Variants in TBC1D19 observed in about 807,000 individuals in gnomAD.
TBC1D19 encodes the protein TBC1 domain family, member 19.
Under a neutral mutation model 89.0 loss-of-function variants are expected in TBC1D19, and 60 were observed. The ratio of observed to expected loss-of-function variants is 0.67; its 90% CI spans 0.55 to 0.84. The LOEUF (loss-of-function observed/expected upper bound fraction) is 0.84, where lower values mean the gene tolerates loss of function less well. Among genes scored for constraint, TBC1D19 ranks in the 40% least tolerant of loss-of-function variants. The pLI, the probability that TBC1D19 is intolerant of heterozygous loss-of-function variation, is 0.00. For synonymous variants in TBC1D19, 189 were observed against 199.7 expected (o/e 0.95, Z 0.45); for missense variants, 500 against 610.8 (o/e 0.82, Z 1.91).
chr4:26,746,366 G>A (rs1348845538), intron 18 of TBC1D19, among the ~76,000 whole-genome samples: 1 of 151,406 alleles, frequency 6.6e-6, no homozygotes, highest in Non-Finnish European at 1.5e-5. Context: ...ACCACACACA[G>A]CCCTTCACTT....
intron 19 of TBC1D19, among the ~76,000 whole-genome samples, chr4:26,748,866 A>G (rs959848591): frequency 1.3e-4 from 19 of 151,234 alleles, no homozygotes; most frequent in Non-Finnish European, 2.1e-4. Context: ...CTTCCCTTCT[A>G]CTCTGGACTC....
the TBC1D19 span, among the ~76,000 whole-genome samples, chr4:26,791,278 G>T: frequency 6.6e-6 from 1 of 152,126 alleles, no homozygotes; most frequent in Admixed American, 6.6e-5. Context: ...TCATTGATTC[G>T]ATTCATTCAA....
At chr4:26,716,617 TA>T (rs1280877415) in intron 13 of TBC1D19, among the ~76,000 whole-genome samples, 1 of 152,104 alleles carries the variant, frequency 6.6e-6, no homozygotes, top group African/African-American at 2.4e-5. Context: ...TTCTGCAACA[TA>T]AAAATGTGTA....
chr4:26,675,333 G>T (rs76376709), intron 11 of TBC1D19, among the ~76,000 whole-genome samples: 134 of 151,822 alleles, frequency 8.8e-4, no homozygotes, highest in African/African-American at 2.8e-3. Flanking sequence ...ATAATCCCAG[G>T]TAATCATTTT....
chr4:26,725,002 AG>A (rs1717218423), intron 15 of TBC1D19, among the ~76,000 whole-genome samples: 2 of 152,224 alleles, frequency 1.3e-5, no homozygotes, highest in African/African-American at 4.8e-5. Flanking sequence ...AAAAGCCCAG[AG>A]ATGAGGCAAA....
intron 4 of TBC1D19, among the ~76,000 whole-genome samples, chr4:26,636,025 G>C (rs1743098361): frequency 6.6e-6 from 1 of 152,084 alleles, no homozygotes; most frequent in Non-Finnish European, 1.5e-5. Flanking sequence ...TTATGCCACT[G>C]TTTGAGTCAG....
the TBC1D19 span, among the ~76,000 whole-genome samples, chr4:26,838,449 T>C: frequency 6.6e-6 from 1 of 152,092 alleles, no homozygotes; most frequent in African/African-American, 2.4e-5. Flanking sequence ...TATGACTTCA[T>C]GAAAAACGGG....
At chr4:26,659,787 G>A (rs1161442815) in intron 8 of TBC1D19, 80 bp downstream of exon 8, 29 of 794,504 alleles carry the variant, frequency 3.7e-5, no homozygotes, top group Non-Finnish European at 5.6e-5. Context: ...TGTATGTAAA[G>A]CAATAGGGTA....
chr4:26,847,918 G>A, the TBC1D19 span, among the ~76,000 whole-genome samples: 1 of 152,192 alleles, frequency 6.6e-6, no homozygotes, highest in Admixed American at 6.5e-5. Flanking sequence ...GGAGAAGTAG[G>A]TTTTGGGGAA....
At chr4:26,600,258 G>A (rs780453092) in intron 1 of TBC1D19, among the ~76,000 whole-genome samples, 1 of 152,156 alleles carries the variant, frequency 6.6e-6, no homozygotes, top group Non-Finnish European at 1.5e-5. Flanking sequence ...ATTACATTTG[G>A]TGTGAACCAT....
chr4:26,786,540 A>G, the TBC1D19 span, among the ~76,000 whole-genome samples: 18 of 152,182 alleles, frequency 1.2e-4, no homozygotes, highest in Non-Finnish European at 2.9e-5. Context: ...AGGCTGAGGC[A>G]GTGCCTAAAC....
At position 26,640,177 on chromosome 4, in the gene TBC1D19, A is replaced by T. The variant is rs768406719; in HGVS notation, c.470A>T (p.Asp157Val). 1 of 1,608,462 alleles carries T rather than the reference A, an allele frequency of 6.2e-7. No homozygotes were observed. The highest frequency in any genetic ancestry group is 8.5e-7 in the Non-Finnish European group (1 of 1,175,880). The change falls in exon 7 of 21, where the codon GAT becomes GTT. Residue 157 changes from aspartate (D) to valine (V), a missense_variant. Physicochemically the swap from Asp to Val is radical, Grantham distance 152. This residue lies in a region of TBC1D19 where 280 missense variants were observed against 291.7 expected (regional missense o/e 0.96). Transcript: ENST00000264866. ...TTCAGACCTGTTTATGCACCTAAGG[A>T]TTTTCTTGAGGTAGGTTCTATTGGA... is the stretch of plus-strand genomic sequence containing the variant. ...SLFRPVYAPK[D>V]FLEVLINLRN...
At chr4:26,842,606 T>TTCTA in the TBC1D19 span, among the ~76,000 whole-genome samples, 1 of 140,820 alleles carries the variant, frequency 7.1e-6, no homozygotes, top group East Asian at 2.1e-4. Context: ...CTTTCTTTCT[T>TTCTA]TCTTTCTTTC....
chr4:26,656,958 T>TTTCTTCTTCTTC lies in TBC1D19; in HGVS notation c.481-2616_481-2605dup, dbSNP rs56762622. Among the ~76,000 whole-genome samples the TTTCTTCTTCTTC allele has an allele frequency of 4.2e-3, 202 of 47,856 alleles. 17 individuals are homozygous for TTTCTTCTTCTTC. The highest frequency in any genetic ancestry group is 0.016 in the East Asian group (23 of 1,424). The allele number at this position is 47,856 out of a possible 152,430, so 31.4% of individuals were successfully genotyped here. Reference sequence around the variant, plus strand: ...GGTTTAGAGGAGATGCCCTGCAATCTTTCTTCTTCTTCTTCTTCTTCTTCT... The same window carrying TTTCTTCTTCTTC: ...GGTTTAGAGGAGATGCCCTGCAATCTTTCTTCTTCTTCTTCTTCTTCTTCTTCTTCTTCTTCT... On this transcript the variant is annotated intron_variant, in intron 7 of 20. Transcript: ENST00000264866.
chr4:26,649,383 A>ATT, intron 7 of TBC1D19, among the ~76,000 whole-genome samples: 1 of 152,164 alleles, frequency 6.6e-6, no homozygotes, highest in Admixed American at 6.5e-5. Context: ...TTTTTACAGC[A>ATT]TAAATTTCAG....
chr4:26,621,986 T>C (rs260957), intron 4 of TBC1D19, among the ~76,000 whole-genome samples: 142,954 of 151,904 alleles, frequency 0.94, 67,785 homozygotes, highest in Non-Finnish European at 1. Context: ...AGCAAACTAT[T>C]GCAAGGACAA....
intron 8 of TBC1D19, among the ~76,000 whole-genome samples, chr4:26,663,512 G>T (rs1348636028): frequency 6.6e-6 from 1 of 152,138 alleles, no homozygotes. Context: ...AAAAAGCAGG[G>T]AAAGGATAAT....
chr4:26,630,120 AG>A (rs752998339), intron 4 of TBC1D19, among the ~76,000 whole-genome samples: 121 of 151,880 alleles, frequency 8.0e-4, no homozygotes, highest in Non-Finnish European at 1.6e-3. Flanking sequence ...GTTATTAAAA[AG>A]TAGTAATGCT....
chr4:26,659,614 C>T lies in TBC1D19; in HGVS notation c.498C>T (p.Arg166=). The T allele has an allele frequency of 1.9e-6, 3 of 1,587,406 alleles. No homozygotes were observed. Among genetic ancestry groups the T allele is most frequent in the South Asian group, 1.1e-5 (1 of 87,190 alleles). ...KDFLEVLINL[R]NPNYENGDSL... ...TTTTAAAGGTATTAATTAATCTTCG[C>T]AACCCAAATTATGAAAACGGTGATT... Residue 166 remains arginine, a synonymous_variant, in exon 8 of 21, where the codon CGC becomes CGT. Transcript: ENST00000264866.
Sources: gnomAD v4.1 joint callset for allele counts (sites outside exome capture counted in the v4.1 genomes callset) on GRCh38, gnomAD v4.1.1 for gene constraint, gnomAD v4.1.1 regional missense constraint, MANE v1.5 for transcripts, NCBI Gene and HGNC (gene_info 2026-07-23, HGNC 2026-07-21) for gene names.